The following STAM2 variants were observed in gnomAD, a reference collection of about 807,000 sequenced individuals.
STAM2 encodes signal transducing adaptor molecule 2, also known as signal transducing adapter molecule 2.
Under a neutral mutation model 65.6 loss-of-function variants are expected in STAM2, and 51 were observed. That is an observed-to-expected ratio of 0.78 (90% CI 0.62 to 0.98). The LOEUF is 0.98. Ranked by LOEUF, STAM2 falls within the 50% of genes least tolerant of loss-of-function variation. The pLI, the probability that STAM2 is intolerant of heterozygous loss-of-function variation, is 0.00. For missense variants in STAM2, 584 were observed against 617.8 expected (o/e 0.95, Z 0.58); for synonymous variants, 198 against 208.4 (o/e 0.95, Z 0.43).
intron 13 of STAM2, 115 bp downstream of exon 13, chr2:152,123,651 C>G: frequency 9.5e-7 from 1 of 1,052,246 alleles, no homozygotes; most frequent in Non-Finnish European, 1.4e-6. Flanking sequence ...TTCCACTTCA[C>G]AGGATTATGA....
Position 152,133,412 on chromosome 2 carries a change from TAAAC to T in STAM2, c.868_871del (p.Val290IlefsTer2). 2.5e-6 allele frequency: 4 copies of T among 1,612,326 alleles called. No homozygotes were observed. The highest frequency in any genetic ancestry group is 3.4e-6 in the Non-Finnish European group (4 of 1,178,978). ...AAAGAGGGACCCTACCTCATCTATA[TAAAC>T]AGGCTCAGGCTCTGATTTCTTAATT... On this transcript the variant is annotated frameshift_variant, in exon 9 of 14. Coordinates refer to ENST00000263904, the MANE Select transcript of STAM2 (RefSeq NM_005843.6). LOFTEE classifies it high-confidence loss of function.
chr2:152,160,283 G>T (rs1433838318), intron 1 of STAM2, among the ~76,000 whole-genome samples: 1 of 150,526 alleles, frequency 6.6e-6, no homozygotes, highest in Admixed American at 6.6e-5. Flanking sequence ...TAGGAAGTGA[G>T]GAGCGCCTCT....
chr2:152,167,677 T>C (rs759810093), intron 1 of STAM2, among the ~76,000 whole-genome samples: 1 of 152,076 alleles, frequency 6.6e-6, no homozygotes, highest in Non-Finnish European at 1.5e-5. Flanking sequence ...GGTGAATCAC[T>C]TGAGGTCAGG....
intron 1 of STAM2, among the ~76,000 whole-genome samples, chr2:152,174,307 C>T (rs1381720702): frequency 6.6e-6 from 1 of 152,074 alleles, no homozygotes; most frequent in Non-Finnish European, 1.5e-5. Context: ...TTTAAAAGTA[C>T]AGGTTGCACA....
intron 1 of STAM2, among the ~76,000 whole-genome samples, chr2:152,157,804 C>A (rs939071592): frequency 6.6e-6 from 1 of 152,146 alleles, no homozygotes; most frequent in East Asian, 1.9e-4. Context: ...TAGTTCAAAA[C>A]CAAAATAGGC....
Position 152,175,749 on chromosome 2 carries a change from TC to T in STAM2, c.-108del. On this transcript the variant is annotated 5_prime_UTR_variant, in exon 1 of 14. Transcript: ENST00000263904. ...CTCCCTAGACCGCTCCGCTTCGGCC[TC>T]CGTCCCTGCACTTCCGCCACCGCAC... 1 of 1,250,780 alleles carries T rather than the reference TC, an allele frequency of 8.0e-7. No individual in the cohort carries two copies. The allele number at this position is 1,250,780 out of a possible 1,614,324, so 77.5% of individuals were successfully genotyped here.
Position 152,132,095 on chromosome 2 carries a change from C to CT in STAM2, c.1025+18_1025+19insA. On this transcript the variant is annotated intron_variant, in intron 11 of 13. Transcript: ENST00000263904. ...ACCCCCCAAAACTATACTTTTTATT[C>CT]CTGCACGAAAAATCTCACCTATCAA... 1 of 1,565,440 alleles carries CT rather than the reference C, an allele frequency of 6.4e-7. No individual in the cohort carries two copies. The highest frequency in any genetic ancestry group is 2.4e-5 in the East Asian group (1 of 40,934).
intron 12 of STAM2, 132 bp downstream of exon 12, chr2:152,126,094 G>A: frequency 1.3e-6 from 1 of 773,858 alleles, no homozygotes; most frequent in East Asian, 3.2e-5. Flanking sequence ...AATATTTACT[G>A]AAACAATCAA....
At chr2:152,171,267 T>C (rs1476745992) in intron 1 of STAM2, among the ~76,000 whole-genome samples, 1 of 152,150 alleles carries the variant, frequency 6.6e-6, no homozygotes, top group East Asian at 1.9e-4. Flanking sequence ...ATATTAGCAC[T>C]TGACATAATT....
intron 1 of STAM2, among the ~76,000 whole-genome samples, chr2:152,163,723 C>T (rs963180546): frequency 3.9e-5 from 6 of 152,008 alleles, no homozygotes; most frequent in African/African-American, 1.5e-4. Flanking sequence ...ATATTAAGAC[C>T]CTAGGAAAAG....
Position 152,120,415 on chromosome 2 carries a change from A to C in STAM2, c.*159T>G, listed in dbSNP as rs1220564329. On this transcript the variant is annotated 3_prime_UTR_variant, in exon 14 of 14. Coordinates refer to ENST00000263904, the MANE Select transcript of STAM2 (RefSeq NM_005843.6). ...GGACTGAAAAAAAAAAAAAAAAAAAACCTTTTATGGCCTTGTAGAATAAGA... is the reference window on the plus strand; with the variant it reads ...GGACTGAAAAAAAAAAAAAAAAAAACCCTTTTATGGCCTTGTAGAATAAGA... The C allele has an allele frequency of 7.7e-6, 4 of 522,756 alleles. No individual in the cohort carries two copies. Among genetic ancestry groups the C allele is most frequent in the East Asian group, 3.5e-5 (1 of 28,700 alleles). 32.4% of individuals were successfully genotyped at this position (522,756 alleles called of 1,614,324 possible). A position where few individuals can be genotyped will look rare whatever the true frequency, so the allele number is the denominator to read the frequency against.
chr2:152,133,509 T>C, intron 8 of STAM2, 25 bp from the exon 9 acceptor site: 1 of 1,565,278 alleles, frequency 6.4e-7, no homozygotes, highest in Non-Finnish European at 8.8e-7. Flanking sequence ...TAATTTTAAG[T>C]TCCTCAGCAT....
intron 1 of STAM2, among the ~76,000 whole-genome samples, chr2:152,162,644 C>A (rs543745906): frequency 2.5e-4 from 38 of 152,030 alleles, no homozygotes; most frequent in South Asian, 2.1e-3. Context: ...GAAAATTATT[C>A]TTATTATTAT....
intron 1 of STAM2, among the ~76,000 whole-genome samples, chr2:152,166,523 C>T (rs1220488471): frequency 6.6e-6 from 1 of 152,128 alleles, no homozygotes; most frequent in Non-Finnish European, 1.5e-5. Flanking sequence ...AAGCAGGTGG[C>T]CACTTCAGAA....
At chr2:152,160,824 T>TG (rs1260665492) in intron 1 of STAM2, among the ~76,000 whole-genome samples, 5 of 85,186 alleles carry the variant, frequency 5.9e-5, no homozygotes, top group South Asian at 7.7e-4. Flanking sequence ...GGGAAGGTGG[T>TG]GGGGGGGTCA....
intron 1 of STAM2, among the ~76,000 whole-genome samples, chr2:152,167,599 G>A (rs6738680): frequency 0.61 from 93,354 of 152,060 alleles, 30,359 homozygotes; most frequent in East Asian, 0.87. Context: ...CACTTTTAAA[G>A]ACTTTGTAAC....
At chr2:152,144,664 G>A (rs577216146) in intron 6 of STAM2, 10 of 383,588 alleles carry the variant, frequency 2.6e-5, no homozygotes, top group African/African-American at 4.2e-5. Flanking sequence ...TCAGCCTCCC[G>A]AGTAGTTGGG....
At chr2:152,143,720 T>C (rs1689290041) in intron 7 of STAM2, 107 bp downstream of exon 7, 1 of 791,926 alleles carries the variant, frequency 1.3e-6, no homozygotes, top group Admixed American at 3.4e-5. Context: ...AGGTATGAAA[T>C]GGTTCTATTA....
intron 11 of STAM2, among the ~76,000 whole-genome samples, chr2:152,127,560 C>T (rs1024416404): frequency 5.3e-5 from 8 of 151,082 alleles, no homozygotes; most frequent in African/African-American, 1.9e-4. Flanking sequence ...ACCACACACA[C>T]ACATTTTCAT....
Sources: allele counts gnomAD v4.1 joint callset (sites outside exome capture counted in the v4.1 genomes callset), GRCh38; gene constraint gnomAD v4.1.1; transcripts MANE v1.5; gene names NCBI Gene and HGNC (gene_info 2026-07-23, HGNC 2026-07-21).